The following DENND1B variants were observed in gnomAD, a reference collection of about 807,000 sequenced individuals.
DENND1B encodes the protein DENN domain containing 1B.
A neutral mutation model predicts 90.1 loss-of-function variants in DENND1B; 59 were observed. The observed-to-expected ratio is 0.65, with a 90% confidence interval of 0.53 to 0.81. The LOEUF (loss-of-function observed/expected upper bound fraction) is 0.81. DENND1B is among the 40% of genes least tolerant of loss of function. The pLI, the probability that DENND1B is intolerant of heterozygous loss-of-function variation, is 0.00. For missense variants in DENND1B, 862 were observed against 912.6 expected (o/e 0.94, Z 0.71); for synonymous variants, 337 against 324.6 (o/e 1.04, Z -0.41).
chr1:197,606,231 C>CG (rs1558298022), intron 13 of DENND1B: 1 of 150,980 alleles, frequency 6.6e-6, no homozygotes, highest in Non-Finnish European at 1.5e-5. Flanking sequence ...ACGTGACATA[C>CG]AGAATATGTC....
At chr1:197,512,448 AT>A (rs1021487843) in intron 21 of DENND1B, among the ~76,000 whole-genome samples, 5 of 151,672 alleles carry the variant, frequency 3.3e-5, no homozygotes, top group African/African-American at 9.7e-5. Flanking sequence ...ATTAAAATTA[AT>A]TTTTAACACT....
chr1:197,605,157 T>C (rs1676558630), intron 13 of DENND1B, among the ~76,000 whole-genome samples: 1 of 151,058 alleles, frequency 6.6e-6, no homozygotes, highest in Non-Finnish European at 1.5e-5. Flanking sequence ...GTTATGTTTA[T>C]ATTGTCATTT....
In DENND1B at chr1:197,642,792, C is replaced by G. The variant is rs776175697; in HGVS notation, c.591G>C (p.Val197=). 2.5e-6 allele frequency: 4 copies of G among 1,613,256 alleles called. No homozygotes were observed. The highest frequency in any genetic ancestry group is 2.5e-6 in the Non-Finnish European group (3 of 1,179,620). ...SRNLTEYFVA[V]DVNNMLQLYA... ...ACAGCTGCAGCATGTTGTTCACATC[C>G]ACGGCAACAAAATATTCTGTAAGAT... The change falls in exon 10 of 23, where the codon GTG becomes GTC. Residue 197 remains valine, a synonymous_variant. Coordinates refer to ENST00000620048, the MANE Select transcript of DENND1B (RefSeq NM_001195215.2).
chr1:197,531,405 C>T (rs545401567), intron 20 of DENND1B, among the ~76,000 whole-genome samples: 1,032 of 1,900 alleles, frequency 0.54, 277 homozygotes, highest in Admixed American at 0.64. Context: ...TTTTTTTTTT[C>T]TTTTTTTTTT....
At chr1:197,548,623 A>AATTC (rs1271897928) in intron 16 of DENND1B, among the ~76,000 whole-genome samples, 2 of 152,174 alleles carry the variant, frequency 1.3e-5, no homozygotes, top group Admixed American at 6.6e-5. Flanking sequence ...CTGAAACAGA[A>AATTC]TAAGAATCTA....
chr1:197,579,962 T>C (rs2125763978), intron 15 of DENND1B, among the ~76,000 whole-genome samples: 1 of 152,190 alleles, frequency 6.6e-6, no homozygotes. Flanking sequence ...TATTTTCATA[T>C]TCTATTTCTG....
At chr1:197,513,070 AGGGTTT>A in intron 20 of DENND1B, 117 bp from the exon 21 acceptor site, 1 of 744,294 alleles carries the variant, frequency 1.3e-6, no homozygotes, top group Non-Finnish European at 2.1e-6. Context: ...ATATGCATTC[AGGGTTT>A]TTGAATATTA....
intron 3 of DENND1B, among the ~76,000 whole-genome samples, chr1:197,714,059 C>A (rs1440516654): frequency 7.1e-6 from 1 of 139,898 alleles, no homozygotes; most frequent in East Asian, 2.1e-4. Context: ...TCACTGCAAC[C>A]TCCACTTCCC....
intron 20 of DENND1B, among the ~76,000 whole-genome samples, chr1:197,537,653 C>T (rs1033670407): frequency 1.3e-5 from 2 of 151,692 alleles, no homozygotes; most frequent in East Asian, 3.8e-4. Flanking sequence ...ATCAAAACAT[C>T]ATGTTATACA....
At chr1:197,732,534 AG>A (rs1282126084) in intron 2 of DENND1B, among the ~76,000 whole-genome samples, 3 of 152,178 alleles carry the variant, frequency 2.0e-5, no homozygotes, top group Non-Finnish European at 4.4e-5. Context: ...AGAAACATTA[AG>A]TTAGTTAAAA....
intron 20 of DENND1B, among the ~76,000 whole-genome samples, chr1:197,537,107 T>A (rs932555866): frequency 2.0e-5 from 3 of 151,758 alleles, no homozygotes; most frequent in Non-Finnish European, 4.4e-5. Flanking sequence ...ATGGGACACA[T>A]AACGAATACA....
chr1:197,779,798 C>A (rs968964827), upstream of DENND1B, among the ~76,000 whole-genome samples: 8 of 151,516 alleles, frequency 5.3e-5, no homozygotes, highest in African/African-American at 7.3e-5. Flanking sequence ...ACTTTAAATT[C>A]TATTTCTAAA....
At chr1:197,564,951 G>C (rs147894222) in intron 15 of DENND1B, among the ~76,000 whole-genome samples, 79 of 152,006 alleles carry the variant, frequency 5.2e-4, no homozygotes, top group African/African-American at 1.9e-3. Context: ...GTCTCCTCTT[G>C]TACATTTCTT....
chr1:197,727,308 G>A (rs1240734199), intron 2 of DENND1B, among the ~76,000 whole-genome samples: 1 of 152,076 alleles, frequency 6.6e-6, no homozygotes, highest in Non-Finnish European at 1.5e-5. Flanking sequence ...GGGCAAGGAA[G>A]GTGGACCATG....
chr1:197,697,806 T>A (rs1461555062), intron 3 of DENND1B, among the ~76,000 whole-genome samples: 2 of 151,230 alleles, frequency 1.3e-5, no homozygotes, highest in Non-Finnish European at 2.9e-5. Context: ...CCAACAAAGA[T>A]CAAAAAAGAC....
At chr1:197,547,535 A>G in intron 16 of DENND1B, among the ~76,000 whole-genome samples, 1 of 152,314 alleles carries the variant, frequency 6.6e-6, no homozygotes. Flanking sequence ...AGAAATATCA[A>G]AAAACAATTT....
chr1:197,733,143 A>G (rs1166552875), intron 2 of DENND1B, among the ~76,000 whole-genome samples: 3 of 151,668 alleles, frequency 2.0e-5, no homozygotes, highest in Non-Finnish European at 4.4e-5. Context: ...ACTTGACAGA[A>G]GTCTATAATG....
At position 197,510,603 on chromosome 1, in the gene DENND1B, A is replaced by T. The variant is rs1667954416; in HGVS notation, c.2185T>A (p.Trp729Arg). ...LGRHSSTFVP[W>R]EKEGKEAKET... is the part of the protein sequence containing the mutation. ...TTGGCTTCTTTCCCTTCTTTCTCCC[A>T]AGGAACAAAAGTCGATGAATGCCGC... The change falls in exon 23 of 23, where the codon TGG becomes AGG. Residue 729 changes from tryptophan to arginine, a missense_variant. Physicochemically the swap from Trp to Arg is moderately radical, Grantham distance 101. Transcript: ENST00000620048. 6.2e-7 allele frequency: 1 copy of T among 1,612,778 alleles called. No individual in the cohort carries two copies.
At chr1:197,579,019 G>A (rs768500895) in intron 15 of DENND1B, among the ~76,000 whole-genome samples, 1 of 152,088 alleles carries the variant, frequency 6.6e-6, no homozygotes, top group Non-Finnish European at 1.5e-5. Context: ...ATTCAGATAG[G>A]TCCACCAATT....
Sources: gnomAD v4.1 joint callset for allele counts (sites outside exome capture counted in the v4.1 genomes callset) on GRCh38, gnomAD v4.1.1 for gene constraint, MANE v1.5 for transcripts, NCBI Gene and HGNC (gene_info 2026-07-23, HGNC 2026-07-21) for gene names.